The following DNAJB4 variants were observed in gnomAD, a reference collection of about 807,000 sequenced individuals.
DNAJB4 encodes the protein dnaJ homolog subfamily B member 4.
Under a neutral mutation model 26.6 loss-of-function variants are expected in DNAJB4, and 10 were observed. That is an observed-to-expected ratio of 0.38 (90% confidence interval 0.23 to 0.64). DNAJB4 has a LOEUF of 0.64. Among genes scored for constraint, DNAJB4 ranks in the 30% least tolerant of loss-of-function variants. The pLI is 0.58. For synonymous variants in DNAJB4, 136 were observed against 134.8 expected, an observed-to-expected ratio of 1.01 and a Z score of -0.06; for missense variants, 328 against 408.2, an observed-to-expected ratio of 0.80 and a Z score of 1.69.
rs1387984321 is a variant in DNAJB4, at chr1:78,017,909, A to G, written c.*1662A>G. ...CAATTTGTTTATCTTTTCATTAATT[A>G]TGGGCATTTGGCTTATTTCTACTTT... On this transcript the variant is annotated 3_prime_UTR_variant, in exon 3 of 3. Coordinates refer to ENST00000370763, the MANE Select transcript of DNAJB4 (RefSeq NM_007034.5). 2.0e-5 allele frequency: 3 copies of G among 151,786 alleles called. No individual in the cohort carries two copies. The highest frequency in any genetic ancestry group is 3.9e-4 in the East Asian group (2 of 5,194). The allele number at this position is 151,786 out of a possible 1,614,324, so 9.4% of individuals were successfully genotyped here.
Position 78,013,428 on chromosome 1 carries a change from G to A in DNAJB4, c.589G>A (p.Asp197Asn), listed in dbSNP as rs754949572. The A allele has an allele frequency of 1.9e-6, 3 of 1,614,106 alleles. No individual in the cohort carries two copies. The highest frequency in any genetic ancestry group is 2.5e-6 in the Non-Finnish European group (3 of 1,180,020). Residue 197 changes from aspartate (D) to asparagine (N), a missense_variant, in exon 2 of 3, where the codon GAC becomes AAC. Coordinates refer to ENST00000370763, the MANE Select transcript of DNAJB4 (RefSeq NM_007034.5). ...NADGRSYRSE[D>N]KILTIEIKKG... ...TGATGGAAGGAGTTACAGATCTGAG[G>A]ACAAAATTCTTACCATTGAGATTAA...
chr1:77,999,959 T>C (rs950192474), upstream of DNAJB4, among the ~76,000 whole-genome samples: 1 of 152,220 alleles, frequency 6.6e-6, no homozygotes, highest in Non-Finnish European at 1.5e-5. Context: ...GCTGGACAGA[T>C]CTTCTGATTC....
Position 78,005,093 on chromosome 1 carries a change from A to G in DNAJB4, c.-18A>G. On this transcript the variant is annotated 5_prime_UTR_variant, in exon 1 of 3. Transcript: ENST00000370763. ...TCTTTTACAAAGGGAAATCTAAGTTAATTTCAAGGCATTCGAAATGGGGAA... is the reference window on the plus strand; with the variant it reads ...TCTTTTACAAAGGGAAATCTAAGTTGATTTCAAGGCATTCGAAATGGGGAA... 6.2e-7 allele frequency: 1 copy of G among 1,604,416 alleles called. No homozygotes were observed. Among genetic ancestry groups the G allele is most frequent in the South Asian group, 1.1e-5 (1 of 89,638 alleles).
At chr1:77,993,023 C>G (rs1480554394) in intron 1 of DNAJB4, among the ~76,000 whole-genome samples, 1 of 152,058 alleles carries the variant, frequency 6.6e-6, no homozygotes, top group Non-Finnish European at 1.5e-5. Flanking sequence ...CGCGCCCGGC[C>G]TATTTCTGAG....
At chr1:77,993,690 A>G (rs1283583228) in intron 1 of DNAJB4, among the ~76,000 whole-genome samples, 1 of 152,226 alleles carries the variant, frequency 6.6e-6, no homozygotes, top group Non-Finnish European at 1.5e-5. Flanking sequence ...ATGTAACAGT[A>G]TAGCACAGTG....
intron 2 of DNAJB4, among the ~76,000 whole-genome samples, chr1:78,014,082 A>G (rs1319927675): frequency 2.6e-5 from 4 of 151,930 alleles, no homozygotes; most frequent in Admixed American, 1.3e-4. Context: ...TTATAATGCT[A>G]CTATGTTAAT....
intron 1 of DNAJB4, 134 bp downstream of exon 1, chr1:78,005,455 A>G (rs896088137): frequency 1.4e-6 from 1 of 722,958 alleles, no homozygotes; most frequent in African/African-American, 1.8e-5. Context: ...AGTCATATCA[A>G]AAGTAGAAGG....
chr1:78,011,909 G>A (rs1571447444), intron 1 of DNAJB4, among the ~76,000 whole-genome samples: 3 of 148,186 alleles, frequency 2.0e-5, no homozygotes, highest in African/African-American at 7.4e-5. Context: ...TATGAATATG[G>A]TATTTTATAT....
intron 1 of DNAJB4, among the ~76,000 whole-genome samples, chr1:77,986,810 G>T (rs189358999): frequency 1.2e-4 from 19 of 152,238 alleles, no homozygotes; most frequent in African/African-American, 4.6e-4. Flanking sequence ...GGGTAGAGTG[G>T]CTCTAAGGCT....
At chr1:77,996,200 T>C (rs1660057394) in intron 1 of DNAJB4, among the ~76,000 whole-genome samples, 1 of 152,166 alleles carries the variant, frequency 6.6e-6, no homozygotes, top group Admixed American at 6.5e-5. Context: ...TCACTCAGGT[T>C]TGAATACAGT....
chr1:78,008,905 A>G (rs1471159624), intron 1 of DNAJB4, among the ~76,000 whole-genome samples: 3 of 152,168 alleles, frequency 2.0e-5, no homozygotes, highest in Non-Finnish European at 4.4e-5. Context: ...GAGATTTAAA[A>G]GAAAAGATTT....
chr1:78,000,908 G>A (rs559222064), upstream of DNAJB4, among the ~76,000 whole-genome samples: 87 of 152,230 alleles, frequency 5.7e-4, 1 homozygote, highest in South Asian at 0.014. Context: ...CTTAAAACCC[G>A]GGAGGCGGAG....
Position 78,005,129 on chromosome 1 carries a change from T to G in DNAJB4, c.19T>G (p.Cys7Gly). ...ATTCGAAATGGGGAAAGACTATTATTGCATTTTGGGAATTGAGAAAGGAGC... is the reference window on the plus strand; with the variant it reads ...ATTCGAAATGGGGAAAGACTATTATGGCATTTTGGGAATTGAGAAAGGAGC... MGKDYYCILGIEKGASD... is the reference protein window; with the variant it reads MGKDYYGILGIEKGASD... Residue 7 changes from cysteine to glycine, a missense_variant, in exon 1 of 3, where the codon TGC (cysteine) becomes GGC (glycine). By Grantham distance (159) the Cys-to-Gly change is radical. Transcript: ENST00000370763. 1 of 1,613,808 alleles carries G rather than the reference T, an allele frequency of 6.2e-7. No homozygotes were observed. The highest frequency in any genetic ancestry group is 8.5e-7 in the Non-Finnish European group (1 of 1,179,908).
At chr1:78,003,077 A>G (rs1660231677), upstream of DNAJB4, among the ~76,000 whole-genome samples, 1 of 152,098 alleles carries the variant, frequency 6.6e-6, no homozygotes, top group South Asian at 2.1e-4. Flanking sequence ...TCCGGTTGTT[A>G]AATAGTAAAG....
intron 1 of DNAJB4, among the ~76,000 whole-genome samples, chr1:77,999,547 G>A (rs1660142648): frequency 6.6e-6 from 1 of 152,012 alleles, no homozygotes; most frequent in South Asian, 2.1e-4. Flanking sequence ...GGTGAATCTG[G>A]TAGTTACTTT....
At chr1:78,001,589 A>G (rs1265486197), upstream of DNAJB4, among the ~76,000 whole-genome samples, 1 of 152,230 alleles carries the variant, frequency 6.6e-6, no homozygotes, top group Non-Finnish European at 1.5e-5. Flanking sequence ...TTTTTATTAT[A>G]TATGAATAAA....
At chr1:78,007,327 A>G (rs1019399574) in intron 1 of DNAJB4, among the ~76,000 whole-genome samples, 1 of 152,202 alleles carries the variant, frequency 6.6e-6, no homozygotes, top group African/African-American at 2.4e-5. Context: ...CATGCCTGTA[A>G]TTCCAACACT....
Position 78,016,097 on chromosome 1 carries a change from A to T in DNAJB4, c.864A>T (p.Gly288=). 6.2e-7 allele frequency: 1 copy of T among 1,614,090 alleles called. No individual in the cohort carries two copies. Among genetic ancestry groups the T allele is most frequent in the African/African-American group, 1.3e-5 (1 of 75,014 alleles). Residue 288 remains glycine, a synonymous_variant, in exon 3 of 3, where the codon GGA becomes GGT. Coordinates refer to ENST00000370763, the MANE Select transcript of DNAJB4 (RefSeq NM_007034.5). ...PMSVNDIVKP[G]MRRRIIGYGL... ...CAGTAAATGATATTGTGAAACCCGG[A>T]ATGAGGAGAAGAATTATTGGATATG...
chr1:78,007,407 C>G (rs776512761), intron 1 of DNAJB4, among the ~76,000 whole-genome samples: 8 of 151,938 alleles, frequency 5.3e-5, no homozygotes, highest in African/African-American at 1.9e-4. Flanking sequence ...ATGGTGAAAC[C>G]CTGTCTCTAC....
Sources: allele counts gnomAD v4.1 joint callset (sites outside exome capture counted in the v4.1 genomes callset), GRCh38; gene constraint gnomAD v4.1.1; transcripts MANE v1.5; gene names NCBI Gene and HGNC (gene_info 2026-07-23, HGNC 2026-07-21).